Variants in STK32B observed in about 807,000 individuals in gnomAD.
STK32B encodes the protein serine/threonine kinase 32B.
In STK32B, 43 loss-of-function variants were observed where a neutral mutation model predicts 52.6. The observed-to-expected ratio is 0.82, with a 90% CI of 0.64 to 1.05. The LOEUF is 1.05. STK32B is among the 50% of genes least tolerant of loss of function. The pLI is 0.00. For missense variants in STK32B, 621 were observed against 534.6 expected (o/e 1.16, Z -1.59); for synonymous variants, 238 against 204.3 (o/e 1.17, Z -1.41).
chr4:5,440,332 T>C (rs925501391), intron 6 of STK32B, among the ~76,000 whole-genome samples: 2 of 152,206 alleles, frequency 1.3e-5, no homozygotes, highest in African/African-American at 4.8e-5. Flanking sequence ...CCCTTGTAAG[T>C]TGGATTCCTA....
intron 4 of STK32B, among the ~76,000 whole-genome samples, chr4:5,359,010 A>T (rs1484918587): frequency 6.6e-6 from 1 of 152,178 alleles, no homozygotes; most frequent in Non-Finnish European, 1.5e-5. Context: ...AACACAGGAA[A>T]GGGGTTGGCA....
chr4:5,179,731 A>T (rs1720214546), intron 3 of STK32B, among the ~76,000 whole-genome samples: 1 of 152,248 alleles, frequency 6.6e-6, no homozygotes, highest in South Asian at 2.1e-4. Context: ...TTTGTTATGA[A>T]GGAGAAAAAC....
In STK32B at chr4:5,372,698, C is replaced by T. The variant is rs1053267349; in HGVS notation, c.435-25509C>T. On this transcript the variant is annotated intron_variant, in intron 4 of 11. Transcript: ENST00000282908. ...TAACTGCATCTACACACTTCGAGCT[C>T]GTGGCCTCAGCAGGAGAAAGTTGGG... 4.1e-5 allele frequency among the ~76,000 whole-genome samples: 6 copies of T among 146,518 alleles called. No homozygotes were observed. The East Asian group carries it at 6.1e-4, about 15-fold the overall frequency.
intron 1 of STK32B, among the ~76,000 whole-genome samples, chr4:5,063,010 T>C (rs1278524869): frequency 6.6e-6 from 1 of 152,240 alleles, no homozygotes. Context: ...GATTGCACTG[T>C]ACTGCTTCTA....
chr4:5,198,069 C>G (rs1344952430), intron 3 of STK32B, among the ~76,000 whole-genome samples: 1 of 152,030 alleles, frequency 6.6e-6, no homozygotes. Flanking sequence ...AGAAACTACC[C>G]CCTATGATGA....
At chr4:5,488,919 C>T (rs1442417668) in intron 11 of STK32B, among the ~76,000 whole-genome samples, 2 of 151,814 alleles carry the variant, frequency 1.3e-5, no homozygotes, top group Non-Finnish European at 2.9e-5. Flanking sequence ...TTATGTCTGT[C>T]TTATAATTCT....
chr4:5,442,947 G>A (rs1012065619), intron 6 of STK32B, among the ~76,000 whole-genome samples: 47 of 152,000 alleles, frequency 3.1e-4, no homozygotes, highest in African/African-American at 8.7e-4. Context: ...CTCTCTTCTG[G>A]CTTGTAGGGT....
At chr4:5,186,340 A>G (rs1720734840) in intron 3 of STK32B, among the ~76,000 whole-genome samples, 1 of 152,026 alleles carries the variant, frequency 6.6e-6, no homozygotes, top group Non-Finnish European at 1.5e-5. Context: ...ACCATACCTT[A>G]TTCATCTCTG....
intron 2 of STK32B, among the ~76,000 whole-genome samples, chr4:5,163,521 T>G (rs1577126677): frequency 2.8e-5 from 4 of 144,602 alleles, no homozygotes; most frequent in Non-Finnish European, 3.0e-5. Context: ...TCTAAAGAGT[T>G]TGAGATAGAG....
At chr4:5,489,501 T>C (rs751139555) in intron 11 of STK32B, among the ~76,000 whole-genome samples, 55 of 152,072 alleles carry the variant, frequency 3.6e-4, no homozygotes, top group African/African-American at 8.7e-4. Flanking sequence ...TCTGAAAACA[T>C]AGAAAAAGCA....
intron 2 of STK32B, among the ~76,000 whole-genome samples, chr4:5,148,468 CCCCTTGTGATTGCTTCTTTGA>C (rs1717094851): frequency 6.6e-6 from 1 of 151,594 alleles, no homozygotes; most frequent in Non-Finnish European, 1.5e-5. Context: ...TTTTATAATT[CCCCTTGTGATTGCTTCTTTGA>C]CCCATGAATT....
chr4:5,122,289 CTCACCCATTCAT>C (rs1715079377), intron 1 of STK32B, among the ~76,000 whole-genome samples: 1 of 152,042 alleles, frequency 6.6e-6, no homozygotes, highest in African/African-American at 2.4e-5. Context: ...CACCCATTCA[CTCACCCATTCAT>C]GCATTACCTC....
chr4:5,335,959 A>T (rs1470414476), intron 4 of STK32B, among the ~76,000 whole-genome samples: 1 of 151,104 alleles, frequency 6.6e-6, no homozygotes, highest in Non-Finnish European at 1.5e-5. Context: ...AGTATTGAGA[A>T]CGCAGACCTC....
intron 3 of STK32B, among the ~76,000 whole-genome samples, chr4:5,254,229 G>T (rs748389131): frequency 2.0e-5 from 3 of 151,894 alleles, no homozygotes; most frequent in Non-Finnish European, 2.9e-5. Flanking sequence ...ATGTCTGTAG[G>T]CTCTGTAATG....
intron 7 of STK32B, 62 bp downstream of exon 7, chr4:5,446,838 T>C: frequency 6.4e-7 from 1 of 1,555,818 alleles, no homozygotes; most frequent in Non-Finnish European, 8.9e-7. Context: ...ACGTTGTACC[T>C]GGACGGGCAG....
intron 5 of STK32B, among the ~76,000 whole-genome samples, chr4:5,402,010 C>T (rs879821): frequency 0.14 from 20,973 of 152,204 alleles, 3,196 homozygotes; most frequent in African/African-American, 0.38. Context: ...GCTGGCTGGC[C>T]GGGTGACTCA....
chr4:5,337,099 C>G, intron 4 of STK32B, among the ~76,000 whole-genome samples: 1 of 152,066 alleles, frequency 6.6e-6, no homozygotes, highest in East Asian at 1.9e-4. Flanking sequence ...CCACCTCAGC[C>G]TGCTAAGTAG....
At chr4:5,207,358 CG>C (rs776002836) in intron 3 of STK32B, among the ~76,000 whole-genome samples, 3 of 152,196 alleles carry the variant, frequency 2.0e-5, no homozygotes, top group African/African-American at 2.4e-5. Context: ...CTCGTGATAG[CG>C]AATAAGTTTC....
rs866793431 is a variant in STK32B, at chr4:5,443,736, C to T, written c.563-2937C>T. ...TTTTTCCCCATCTTTGTGGTTTTAT[C>T]TACTTTTGGTCTTTGATGATGGTGA... On this transcript the variant is annotated intron_variant, in intron 6 of 11. Coordinates refer to ENST00000282908, the MANE Select transcript of STK32B (RefSeq NM_018401.3). 7.8e-3 allele frequency among the ~76,000 whole-genome samples: 1,186 copies of T among 152,130 alleles called. 21 individuals carry two copies. The highest frequency in any genetic ancestry group is 0.027 in the African/African-American group (1,108 of 41,486).
Sources: allele counts gnomAD v4.1 joint callset (sites outside exome capture counted in the v4.1 genomes callset), GRCh38; gene constraint gnomAD v4.1.1; transcripts MANE v1.5; gene names NCBI Gene and HGNC (gene_info 2026-07-23, HGNC 2026-07-21).